MMP16: variants seen among roughly 807,000 people sequenced by gnomAD.
MMP16 encodes the protein matrix metalloproteinase-16.
In MMP16, 12 loss-of-function variants were observed where a neutral mutation model predicts 67.8. That is an observed-to-expected ratio of 0.18 (90% confidence interval 0.11 to 0.29). MMP16 has a LOEUF of 0.29. MMP16 is among the 10% of genes least tolerant of loss of function. The pLI is 1.00. For missense variants in MMP16, 475 were observed against 765.7 expected, an observed-to-expected ratio of 0.62 and a Z score of 4.48; for synonymous variants, 249 against 255.9, an observed-to-expected ratio of 0.97 and a Z score of 0.26.
chr8:88,139,225 T>C (rs553909388), intron 4 of MMP16, among the ~76,000 whole-genome samples: 1 of 152,134 alleles, frequency 6.6e-6, no homozygotes, highest in African/African-American at 2.4e-5. Context: ...GTTCCCCTTA[T>C]AGCTTTGCAA....
chr8:88,050,022 C>T (rs1713729464), intron 8 of MMP16, among the ~76,000 whole-genome samples: 1 of 151,542 alleles, frequency 6.6e-6, no homozygotes, highest in South Asian at 2.1e-4. Flanking sequence ...GAGACCTTGT[C>T]ACAAAATAAT....
At chr8:88,210,568 G>A (rs745837819) in intron 1 of MMP16, among the ~76,000 whole-genome samples, 2 of 152,096 alleles carry the variant, frequency 1.3e-5, no homozygotes, top group Non-Finnish European at 2.9e-5. Context: ...TAGAAACCCA[G>A]TAGGAAGTCC....
intron 1 of MMP16, among the ~76,000 whole-genome samples, chr8:88,281,565 C>T (rs1189977870): frequency 6.6e-6 from 1 of 152,186 alleles, no homozygotes; most frequent in Non-Finnish European, 1.5e-5. Flanking sequence ...GACCCTCTGG[C>T]CAGTGGTCTT....
intron 2 of MMP16, among the ~76,000 whole-genome samples, chr8:88,192,900 C>T (rs1168615881): frequency 1.3e-5 from 2 of 152,016 alleles, no homozygotes; most frequent in Non-Finnish European, 2.9e-5. Context: ...AAAGACAGGC[C>T]ATAATGAAAG....
At chr8:88,096,065 T>C (rs1809020934) in intron 6 of MMP16, among the ~76,000 whole-genome samples, 1 of 151,984 alleles carries the variant, frequency 6.6e-6, no homozygotes, top group African/African-American at 2.4e-5. Context: ...AGATCTACAA[T>C]CCCTAATCCA....
At chr8:88,313,073 A>G (rs967725441) in intron 1 of MMP16, among the ~76,000 whole-genome samples, 6 of 152,218 alleles carry the variant, frequency 3.9e-5, no homozygotes, top group Admixed American at 1.3e-4. Flanking sequence ...TTGTTCACTC[A>G]GCCTAATTGT....
chr8:88,105,187 C>G (rs1247051302), intron 6 of MMP16, among the ~76,000 whole-genome samples: 1 of 148,550 alleles, frequency 6.7e-6, no homozygotes, highest in Non-Finnish European at 1.5e-5. Flanking sequence ...CATTAGGCAA[C>G]TCATGACTAT....
intron 4 of MMP16, 42 bp downstream of exon 4, chr8:88,167,627 A>G: frequency 2.7e-6 from 4 of 1,494,998 alleles, no homozygotes; most frequent in Non-Finnish European, 3.6e-6. Flanking sequence ...ATTCTGAAAT[A>G]ATAATAGAAA....
chr8:88,289,936 T>C (rs1291496435), intron 1 of MMP16, among the ~76,000 whole-genome samples: 4 of 152,138 alleles, frequency 2.6e-5, no homozygotes, highest in African/African-American at 4.8e-5. Flanking sequence ...TACCCTGCAC[T>C]GCCCCCTACT....
chr8:88,287,979 T>C lies in MMP16; in HGVS notation c.132+39096A>G, dbSNP rs114163091. On this transcript the variant is annotated intron_variant, in intron 1 of 9. Coordinates refer to ENST00000286614, the MANE Select transcript of MMP16 (RefSeq NM_005941.5). ...AAACTTCAGAGTCTGATTAAGCCCCTTGAGTGAATAAAGATACTCATATAT... is the reference window on the plus strand; with the variant it reads ...AAACTTCAGAGTCTGATTAAGCCCCCTGAGTGAATAAAGATACTCATATAT... Among the ~76,000 whole-genome samples the C allele has an allele frequency of 4.0e-3, 603 of 152,338 alleles. 4 individuals carry two copies. The highest frequency in any genetic ancestry group is 0.014 in the African/African-American group (563 of 41,578).
At chr8:88,195,234 A>G (rs760587141) in intron 2 of MMP16, among the ~76,000 whole-genome samples, 1 of 152,146 alleles carries the variant, frequency 6.6e-6, no homozygotes, top group Non-Finnish European at 1.5e-5. Context: ...CCTTCCAATG[A>G]CCAACAGGAG....
intron 6 of MMP16, among the ~76,000 whole-genome samples, chr8:88,105,034 G>T (rs1242618431): frequency 6.6e-6 from 1 of 151,382 alleles, no homozygotes; most frequent in Non-Finnish European, 1.5e-5. Context: ...AATATCCTAG[G>T]CCTTCACATT....
chr8:88,147,623 A>ATTT (rs972906772), intron 4 of MMP16, among the ~76,000 whole-genome samples: 1 of 150,728 alleles, frequency 6.6e-6, no homozygotes, highest in Non-Finnish European at 1.5e-5. Context: ...AGGTTGAGTT[A>ATTT]TTTTCTTTTG....
At chr8:88,218,952 A>G (rs973463738) in intron 1 of MMP16, among the ~76,000 whole-genome samples, 1 of 152,098 alleles carries the variant, frequency 6.6e-6, no homozygotes, top group Admixed American at 6.6e-5. Flanking sequence ...CAAATCCCTA[A>G]GTATTAATGG....
Position 88,130,510 on chromosome 8 carries a change from G to A in MMP16, c.710-11649C>T, listed in dbSNP as rs574438368. On this transcript the variant is annotated intron_variant, in intron 4 of 9. Transcript: ENST00000286614. ...TTAATGATAGATATACTTTACATTC[G>A]TCTGTGGTTTATTCCACATATTCTG... Among the ~76,000 whole-genome samples, 15 of 151,672 alleles carry A rather than the reference G, an allele frequency of 9.9e-5. No individual in the cohort carries two copies. The South Asian group carries it at 2.9e-3, about 29-fold the overall frequency.
intron 6 of MMP16, among the ~76,000 whole-genome samples, chr8:88,097,884 T>C (rs1809057045): frequency 6.6e-6 from 1 of 151,822 alleles, no homozygotes; most frequent in South Asian, 2.1e-4. Flanking sequence ...ATTTGGATAA[T>C]GGAATTACCT....
intron 1 of MMP16, among the ~76,000 whole-genome samples, chr8:88,288,295 T>C (rs376832534): frequency 6.6e-6 from 1 of 152,238 alleles, no homozygotes; most frequent in Middle Eastern, 3.2e-3. Flanking sequence ...TTCTTCCAAA[T>C]GCAGTTAAGC....
intron 9 of MMP16, among the ~76,000 whole-genome samples, chr8:88,043,653 T>C (rs1808162198): frequency 6.6e-6 from 1 of 152,184 alleles, no homozygotes; most frequent in Non-Finnish European, 1.5e-5. Flanking sequence ...TCAGGTCACT[T>C]CATTCTGGAA....
intron 4 of MMP16, among the ~76,000 whole-genome samples, chr8:88,145,517 A>T (rs762575922): frequency 7.2e-5 from 11 of 151,936 alleles, no homozygotes; most frequent in Non-Finnish European, 1.2e-4. Flanking sequence ...TCAATAGAGA[A>T]ATAAGCTCAG....
Sources: allele counts gnomAD v4.1 joint callset (sites outside exome capture counted in the v4.1 genomes callset), GRCh38; gene constraint gnomAD v4.1.1; transcripts MANE v1.5; gene names NCBI Gene and HGNC (gene_info 2026-07-23, HGNC 2026-07-21).